PSMD1: variants seen among roughly 807,000 people sequenced by gnomAD.
PSMD1 encodes proteasome 26S subunit, non-ATPase 1, also known as 26S proteasome non-ATPase regulatory subunit 1.
In PSMD1, 18 loss-of-function variants were observed where a neutral mutation model predicts 119.0. That is an observed-to-expected ratio of 0.15 (90% CI 0.10 to 0.22). The LOEUF (loss-of-function observed/expected upper bound fraction) is 0.22, where lower values mean the gene tolerates loss of function less well. Among genes scored for constraint, PSMD1 ranks in the 10% least tolerant of loss-of-function variants. The pLI, the probability that PSMD1 is intolerant of heterozygous loss-of-function variation, is 1.00. For missense variants in PSMD1, 702 were observed against 1,158.5 expected (o/e 0.61, Z 5.72); for synonymous variants, 374 against 396.6 (o/e 0.94, Z 0.68).
intron 16 of PSMD1, chr2:231,125,138 G>A (rs1695689090): frequency 6.6e-6 from 1 of 152,192 alleles, no homozygotes. Context: ...ATGCCAAGGA[G>A]GTTATTTCCT....
intron 16 of PSMD1, among the ~76,000 whole-genome samples, chr2:231,125,780 A>G (rs1015898874): frequency 7.9e-5 from 12 of 152,366 alleles, no homozygotes; most frequent in Admixed American, 2.6e-4. Context: ...CTAGCTTAGT[A>G]TTAGAACCTC....
At chr2:231,065,596 G>A (rs1388621266) in intron 4 of PSMD1, among the ~76,000 whole-genome samples, 1 of 152,154 alleles carries the variant, frequency 6.6e-6, no homozygotes, top group Non-Finnish European at 1.5e-5. Flanking sequence ...ACCGCGCCCG[G>A]CCAGGGTGAC....
intron 16 of PSMD1, among the ~76,000 whole-genome samples, chr2:231,110,358 C>T (rs1695116917): frequency 1.3e-5 from 2 of 152,034 alleles, no homozygotes; most frequent in Non-Finnish European, 1.5e-5. Flanking sequence ...AAGAAATATA[C>T]CTCATGTTAG....
chr2:231,134,228 AG>A (rs943752535), intron 16 of PSMD1, among the ~76,000 whole-genome samples: 6 of 152,214 alleles, frequency 3.9e-5, no homozygotes, highest in African/African-American at 1.4e-4. Flanking sequence ...TGTATAAACT[AG>A]GTTTTAAAGC....
At chr2:231,169,152 T>A (rs1047845727) in intron 23 of PSMD1, among the ~76,000 whole-genome samples, 2 of 151,778 alleles carry the variant, frequency 1.3e-5, no homozygotes, top group African/African-American at 4.8e-5. Context: ...AGTTTTGGGA[T>A]TTTTTTTTGT....
intron 12 of PSMD1, among the ~76,000 whole-genome samples, chr2:231,082,002 G>C (rs955653609): frequency 9.9e-5 from 15 of 152,254 alleles, no homozygotes; most frequent in South Asian, 4.2e-4. Flanking sequence ...TACTGAAAGA[G>C]AGTTGTCCTC....
At chr2:231,156,616 CT>C (rs1696512863) in intron 19 of PSMD1, among the ~76,000 whole-genome samples, 1 of 152,042 alleles carries the variant, frequency 6.6e-6, no homozygotes, top group Non-Finnish European at 1.5e-5. Flanking sequence ...TATCCTCTTA[CT>C]TTTTCAATGT....
intron 16 of PSMD1, among the ~76,000 whole-genome samples, chr2:231,092,391 G>A (rs1694617859): frequency 6.6e-6 from 1 of 152,170 alleles, no homozygotes; most frequent in Non-Finnish European, 1.5e-5. Flanking sequence ...GAAAACATAT[G>A]GATGGGTAGT....
intron 16 of PSMD1, among the ~76,000 whole-genome samples, chr2:231,120,047 G>T (rs1042726212): frequency 8.6e-5 from 13 of 151,204 alleles, no homozygotes; most frequent in African/African-American, 3.2e-4. Context: ...TGTCTTCCGG[G>T]TTCAAGCTAT....
chr2:231,143,443 T>C (rs1434600915), intron 17 of PSMD1, among the ~76,000 whole-genome samples: 2 of 152,218 alleles, frequency 1.3e-5, no homozygotes, highest in East Asian at 3.8e-4. Flanking sequence ...TTGGTCAGGC[T>C]GGTCTCGGAC....
chr2:231,079,656 G>C, intron 11 of PSMD1, 42 bp downstream of exon 11: 1 of 1,296,970 alleles, frequency 7.7e-7, no homozygotes, highest in Non-Finnish European at 1.1e-6. Context: ...CAGAAAAGAA[G>C]TAATTTTTCT....
At chr2:231,062,484 T>C in intron 3 of PSMD1, 22 bp from the exon 4 acceptor site, 1 of 1,576,356 alleles carries the variant, frequency 6.3e-7, no homozygotes, top group East Asian at 2.2e-5. Context: ...GAACTAGACC[T>C]GTACTTCCTA....
At chr2:231,161,233 C>G (rs868549164) in intron 19 of PSMD1, 107 bp from the exon 20 acceptor site, 2 of 1,102,050 alleles carry the variant, frequency 1.8e-6, no homozygotes, top group African/African-American at 1.7e-5. Flanking sequence ...GAGACCCTAT[C>G]TCTTTAAAAA....
At chr2:231,128,483 C>T (rs975413957) in intron 16 of PSMD1, among the ~76,000 whole-genome samples, 4 of 152,162 alleles carry the variant, frequency 2.6e-5, no homozygotes, top group South Asian at 2.1e-4. Flanking sequence ...AATCTGTTCT[C>T]GTTAGACTCC....
Position 231,146,369 on chromosome 2 carries a change from A to C in PSMD1, c.2115+13A>C, listed in dbSNP as rs770121837. The C allele has an allele frequency of 2.5e-6, 4 of 1,579,214 alleles. No homozygotes were observed. Among genetic ancestry groups the C allele is most frequent in the African/African-American group, 2.7e-5 (2 of 74,058 alleles). ...CACTTGTCCAAAGGTGAGCAAACAA[A>C]GAAATTCCCTGGAAGAGAGATGGTT... On this transcript the variant is annotated intron_variant, in intron 18 of 24. Coordinates refer to ENST00000308696, the MANE Select transcript of PSMD1 (RefSeq NM_002807.4).
chr2:231,127,001 T>C (rs898112400), intron 16 of PSMD1, among the ~76,000 whole-genome samples: 1 of 152,064 alleles, frequency 6.6e-6, no homozygotes, highest in Non-Finnish European at 1.5e-5. Context: ...CCCCACTCCA[T>C]ATCTTTTTAC....
intron 8 of PSMD1, among the ~76,000 whole-genome samples, chr2:231,076,717 G>A (rs1304165154): frequency 1.3e-5 from 2 of 151,906 alleles, no homozygotes; most frequent in Admixed American, 1.3e-4. Context: ...GTTTCAAGTA[G>A]GAAGTTTCTC....
chr2:231,073,925 A>C (rs2125163820), intron 7 of PSMD1, among the ~76,000 whole-genome samples: 1 of 152,020 alleles, frequency 6.6e-6, no homozygotes. Flanking sequence ...CCTTTTACAG[A>C]ATTCTGTTTA....
At chr2:231,138,303 C>T (rs1696019700) in intron 16 of PSMD1, among the ~76,000 whole-genome samples, 1 of 152,174 alleles carries the variant, frequency 6.6e-6, no homozygotes, top group South Asian at 2.1e-4. Context: ...TAAAGTGATA[C>T]TGGGGGATTT....
Sources: gnomAD v4.1 joint callset for allele counts (sites outside exome capture counted in the v4.1 genomes callset) on GRCh38, gnomAD v4.1.1 for gene constraint, MANE v1.5 for transcripts, NCBI Gene and HGNC (gene_info 2026-07-23, HGNC 2026-07-21) for gene names.